The following MYEF2 variants were observed in gnomAD, a reference collection of about 807,000 sequenced individuals.
MYEF2 encodes the protein myelin expression factor 2.
A neutral mutation model predicts 75.2 loss-of-function variants in MYEF2; 37 were observed. That is an observed-to-expected ratio of 0.49 (90% CI 0.38 to 0.65). The LOEUF (loss-of-function observed/expected upper bound fraction) is 0.65, where lower values mean the gene tolerates loss of function less well. Among genes scored for constraint, MYEF2 ranks in the 30% least tolerant of loss-of-function variants. The pLI, the probability that MYEF2 is intolerant of heterozygous loss-of-function variation, is 0.00. For missense variants in MYEF2, 634 were observed against 771.4 expected (o/e 0.82, Z 2.11); for synonymous variants, 195 against 241.6 (o/e 0.81, Z 1.79).
At chr15:48,144,153 T>C (rs780773570) in intron 16 of MYEF2, among the ~76,000 whole-genome samples, 2 of 151,950 alleles carry the variant, frequency 1.3e-5, no homozygotes, top group Non-Finnish European at 2.9e-5. Context: ...GCCAGACATA[T>C]TTAGTTCTAG....
At chr15:48,160,498 C>T (rs1383899969) in intron 5 of MYEF2, among the ~76,000 whole-genome samples, 3 of 151,620 alleles carry the variant, frequency 2.0e-5, no homozygotes, top group Admixed American at 6.6e-5. Context: ...CACACACACA[C>T]ACACACACAC....
intron 5 of MYEF2, among the ~76,000 whole-genome samples, chr15:48,161,539 T>A (rs2039941783): frequency 6.6e-6 from 1 of 151,850 alleles, no homozygotes; most frequent in African/African-American, 2.4e-5. Flanking sequence ...GCCTTTTTTT[T>A]TTCTCTTAAA....
In MYEF2 at chr15:48,151,549, A is replaced by C. The variant is rs1218920253; in HGVS notation, c.1230T>G (p.Thr410=). The C allele has an allele frequency of 6.2e-7, 1 of 1,612,662 alleles. No homozygotes were observed. The highest frequency in any genetic ancestry group is 8.5e-7 in the Non-Finnish European group (1 of 1,179,172). ...GTCCAAAATCTCGCTCCATGCTACT[A>C]GTCATCGCACCACGGTACAGCTCTG... The part of the protein sequence containing the change: ...RMGELYRGAM[T]SSMERDFGRG... Residue 410 remains threonine (T), a synonymous_variant, in exon 13 of 17, where the codon ACT becomes ACG. Transcript: ENST00000324324.
At chr15:48,157,849 T>C (rs2039761924) in intron 9 of MYEF2, 144 bp downstream of exon 9, 3 of 1,413,188 alleles carry the variant, frequency 2.1e-6, no homozygotes, top group South Asian at 1.7e-5. Context: ...TCCTAATCAA[T>C]AGCGCCAAAC....
Position 48,136,933 on chromosome 15 carries a change from A to G in MYEF2, c.*5975T>C, listed in dbSNP as rs2038915181. ...TTCTGGCTACTCTCAGCTCTCTATA[A>G]GTTTACATGGCCTTAGTCAGGTTTC... On this transcript the variant is annotated 3_prime_UTR_variant, in exon 17 of 17. Transcript: ENST00000324324. 2 of 1,613,226 alleles carry G rather than the reference A, an allele frequency of 1.2e-6. No individual in the cohort carries two copies. Among genetic ancestry groups the G allele is most frequent in the African/African-American group, 2.7e-5 (2 of 74,902 alleles).
At position 48,171,953 on chromosome 15, in the gene MYEF2, A is replaced by G. The variant is rs184217098; in HGVS notation, c.162-3114T>C. On this transcript the variant is annotated intron_variant, in intron 1 of 16. Transcript: ENST00000324324. ...ATCTAAATTATAACATACATTTCTG[A>G]AAAAAATCAAGCTCCAACATCAAAA... Among the ~76,000 whole-genome samples, 3 of 152,304 alleles carry G rather than the reference A, an allele frequency of 2.0e-5. No homozygotes were observed. In the East Asian group the frequency reaches 5.8e-4, roughly 29 times the overall value.
In MYEF2 at chr15:48,141,593, CAAA is replaced by C. The variant is rs202102577; in HGVS notation, c.*1312_*1314del. 4 of 104,668 alleles carry C rather than the reference CAAA, an allele frequency of 3.8e-5. No homozygotes were observed. Among genetic ancestry groups the C allele is most frequent in the Non-Finnish European group, 4.3e-5 (2 of 46,136 alleles). 6.5% of individuals were successfully genotyped at this position (104,668 alleles called of 1,614,324 possible). ...AGACTGTGTCTCAAAAAACAAAAAC[CAAA>C]AAAAAAAAAAAAAGTTTACTTCCTC... On this transcript the variant is annotated 3_prime_UTR_variant, in exon 17 of 17. Transcript: ENST00000324324.
At position 48,137,121 on chromosome 15, in the gene MYEF2, A is replaced by G. The variant is rs866655150; in HGVS notation, c.*5787T>C. 6 of 677,580 alleles carry G rather than the reference A, an allele frequency of 8.9e-6. No individual in the cohort carries two copies. The highest frequency in any genetic ancestry group is 1.4e-5 in the Non-Finnish European group (6 of 422,880). 42.0% of individuals were successfully genotyped at this position (677,580 alleles called of 1,614,324 possible). On this transcript the variant is annotated 3_prime_UTR_variant, in exon 17 of 17. Transcript: ENST00000324324. Reference sequence around the variant, plus strand: ...AGTCCCTACCTTTAAGGAACTTCCAATATCACAGGAAATACAAAATAGCTA... The same window carrying G: ...AGTCCCTACCTTTAAGGAACTTCCAGTATCACAGGAAATACAAAATAGCTA...
At chr15:48,151,392 A>G in intron 13 of MYEF2, 81 bp downstream of exon 13, 1 of 1,328,494 alleles carries the variant, frequency 7.5e-7, no homozygotes, top group Admixed American at 1.8e-5. Context: ...TGATTTTCTG[A>G]TTTTTCACAA....
chr15:48,157,516 T>C (rs2039747740), intron 9 of MYEF2: 1 of 156,590 alleles, frequency 6.4e-6, no homozygotes, highest in South Asian at 2.0e-4. Flanking sequence ...TTATGGAACA[T>C]CTATATGATA....
rs199924625 is a variant in MYEF2 at position 48,139,122 on chromosome 15, C to T, written c.*3786G>A. 5.5e-5 allele frequency: 89 copies of T among 1,612,906 alleles called. No individual in the cohort carries two copies. In the East Asian group the frequency reaches 1.6e-3, roughly 29 times the overall value. The stretch of plus-strand genomic sequence containing the variant: ...TTTGTGATAACCTTTTTCATGTCTG[C>T]AATATGGATATCCGCATTTACATAT... On this transcript the variant is annotated 3_prime_UTR_variant, in exon 17 of 17. Coordinates refer to ENST00000324324, the MANE Select transcript of MYEF2 (RefSeq NM_016132.5).
In MYEF2 at chr15:48,139,231, G is replaced by T; in HGVS notation, c.*3677C>A. ...GAAAATATTCATATAAGAACAAATT[G>T]CATATGTTCACTCAAAGTAGTCTAG... On this transcript the variant is annotated 3_prime_UTR_variant, in exon 17 of 17. Transcript: ENST00000324324. 2.1e-6 allele frequency: 3 copies of T among 1,429,046 alleles called. No homozygotes were observed. The highest frequency in any genetic ancestry group is 1.8e-5 in the Admixed American group (1 of 57,012). 88.5% of individuals were successfully genotyped at this position (1,429,046 alleles called of 1,614,324 possible).
chr15:48,167,671 G>A (rs2040178770), intron 2 of MYEF2, among the ~76,000 whole-genome samples: 1 of 151,942 alleles, frequency 6.6e-6, no homozygotes, highest in African/African-American at 2.4e-5. Flanking sequence ...TGATATAGTT[G>A]GTGAACAAAT....
intron 14 of MYEF2, among the ~76,000 whole-genome samples, chr15:48,150,272 G>A (rs537954035): frequency 6.6e-6 from 1 of 152,114 alleles, no homozygotes; most frequent in East Asian, 1.9e-4. Flanking sequence ...AGGAAGTTAG[G>A]ACTAATAGGA....
intron 2 of MYEF2, 112 bp downstream of exon 2, chr15:48,168,518 TA>T: frequency 1.3e-6 from 1 of 774,554 alleles, no homozygotes; most frequent in Non-Finnish European, 2.1e-6. Context: ...TGTCAAGAAA[TA>T]AAAATCAATT....
intron 16 of MYEF2, 75 bp downstream of exon 16, chr15:48,148,957 A>G (rs2140827855): frequency 6.8e-7 from 1 of 1,475,556 alleles, no homozygotes; most frequent in East Asian, 2.3e-5. Flanking sequence ...AGGTCTAAAC[A>G]CAGTGTATAA....
rs764629254 is a variant in MYEF2 at position 48,138,920 on chromosome 15, TA to T, written c.*3987del. 62 of 1,380,076 alleles carry T rather than the reference TA, an allele frequency of 4.5e-5. 1 individual carries two copies. The Middle Eastern group carries it at 4.5e-3, about 100-fold the overall frequency. 85.5% of individuals were successfully genotyped at this position (1,380,076 alleles called of 1,614,324 possible). On this transcript the variant is annotated 3_prime_UTR_variant, in exon 17 of 17. Transcript: ENST00000324324. ...ACTTTCTAAATAGGCATTTCTAACT[TA>T]ATTAGCCATTTGAGAAAACTCAAAA...
chr15:48,153,969 G>T, intron 9 of MYEF2, 76 bp from the exon 10 acceptor site: 4 of 1,174,788 alleles, frequency 3.4e-6, no homozygotes, highest in Non-Finnish European at 4.8e-6. Flanking sequence ...TTTTTAAAAA[G>T]CTATATACCT....
chr15:48,151,632 C>T, intron 12 of MYEF2, 61 bp from the exon 13 acceptor site: 1 of 1,445,214 alleles, frequency 6.9e-7, no homozygotes, highest in Non-Finnish European at 9.5e-7. Flanking sequence ...TGAAAACATT[C>T]AGGAATGTAT....
Sources: allele counts gnomAD v4.1 joint callset (sites outside exome capture counted in the v4.1 genomes callset), GRCh38; gene constraint gnomAD v4.1.1; transcripts MANE v1.5; gene names NCBI Gene and HGNC (gene_info 2026-07-23, HGNC 2026-07-21).